The following NBEA variants were observed in gnomAD, a reference collection of about 807,000 sequenced individuals.
NBEA encodes the protein neurobeachin.
In NBEA, 44 loss-of-function variants were observed where a neutral mutation model predicts 343.4. The ratio of observed to expected loss-of-function variants is 0.13; its 90% confidence interval spans 0.10 to 0.16. NBEA has a LOEUF of 0.16. NBEA is among the 10% of genes least tolerant of loss of function. The pLI is 1.00. For synonymous variants in NBEA, 1,175 were observed against 1,238.7 expected (o/e 0.95, Z 1.08); for missense variants, 2,555 against 3,631.3 (o/e 0.70, Z 7.62).
chr13:35,308,549 TG>T (rs1242254065), intron 35 of NBEA, among the ~76,000 whole-genome samples: 17 of 117,858 alleles, frequency 1.4e-4, no homozygotes, highest in Admixed American at 7.6e-4. Context: ...TGTATATATA[TG>T]TATATATGTA....
chr13:35,537,871 C>T (rs886989317), intron 41 of NBEA, among the ~76,000 whole-genome samples: 35 of 152,214 alleles, frequency 2.3e-4, no homozygotes, highest in African/African-American at 8.2e-4. Context: ...AACCCCATCC[C>T]ATCTCTTTTG....
At chr13:35,022,841 TA>T (rs2061894251) in intron 1 of NBEA, among the ~76,000 whole-genome samples, 1 of 152,164 alleles carries the variant, frequency 6.6e-6, no homozygotes, top group Non-Finnish European at 1.5e-5. Context: ...GCTATACACA[TA>T]AATTACTCAG....
intron 30 of NBEA, among the ~76,000 whole-genome samples, chr13:35,195,578 G>T (rs940267939): frequency 1.3e-5 from 2 of 151,750 alleles, no homozygotes; most frequent in Non-Finnish European, 2.9e-5. Flanking sequence ...TGTGTTTTTA[G>T]TAGAGACGGG....
chr13:35,553,760 C>T (rs1047029866), intron 43 of NBEA, among the ~76,000 whole-genome samples: 3 of 152,078 alleles, frequency 2.0e-5, no homozygotes, highest in Non-Finnish European at 4.4e-5. Context: ...AGGAGTCCTG[C>T]GATATCACAG....
chr13:35,254,400 T>C (rs2032343130), intron 34 of NBEA, among the ~76,000 whole-genome samples: 2 of 150,950 alleles, frequency 1.3e-5, no homozygotes, highest in African/African-American at 2.4e-5. Flanking sequence ...CACAGATCAC[T>C]GCAGCCCTGA....
chr13:35,295,751 A>G (rs1307371938), intron 35 of NBEA, among the ~76,000 whole-genome samples: 7 of 152,198 alleles, frequency 4.6e-5, no homozygotes, highest in Admixed American at 3.3e-4. Flanking sequence ...ACAGATTGCA[A>G]CAGGAAGACG....
chr13:35,462,732 G>A (rs187228771), intron 40 of NBEA, among the ~76,000 whole-genome samples: 1 of 152,292 alleles, frequency 6.6e-6, no homozygotes, highest in East Asian at 1.9e-4. Context: ...AGTGATGAGA[G>A]CCTCAAGTAA....
chr13:35,200,904 A>G (rs2152745226), intron 31 of NBEA, among the ~76,000 whole-genome samples: 1 of 152,088 alleles, frequency 6.6e-6, no homozygotes, highest in South Asian at 2.1e-4. Flanking sequence ...TTTTAAAAAT[A>G]TTGAGTAGAG....
chr13:35,459,620 C>T (rs1490297727), intron 40 of NBEA, among the ~76,000 whole-genome samples: 4 of 152,138 alleles, frequency 2.6e-5, no homozygotes, highest in Non-Finnish European at 5.9e-5. Flanking sequence ...AAATAATCAG[C>T]TTGGCAGTTA....
In NBEA at chr13:35,195,972, A is replaced by G; in HGVS notation, c.5036A>G (p.Glu1679Gly). The G allele has an allele frequency of 6.2e-7, 1 of 1,613,654 alleles. No individual in the cohort carries two copies. Among genetic ancestry groups the G allele is most frequent in the Non-Finnish European group, 8.5e-7 (1 of 1,179,710 alleles). ...SIPHTDSGIG[E>G]EQVASILNGA... Reference sequence around the variant, plus strand: ...CCCCATACAGATTCAGGAATTGGAGAGGAGCAAGTGGCTAGCATCCTGAAT... The same window carrying G: ...CCCCATACAGATTCAGGAATTGGAGGGGAGCAAGTGGCTAGCATCCTGAAT... Residue 1679 changes from glutamate (E) to glycine (G), a missense_variant, in exon 31 of 59, where the codon GAG becomes GGG. Coordinates refer to ENST00000379939, the MANE Select transcript of NBEA (RefSeq NM_001385012.1).
intron 47 of NBEA, among the ~76,000 whole-genome samples, chr13:35,602,814 A>G (rs2082113629): frequency 6.6e-6 from 1 of 152,142 alleles, no homozygotes; most frequent in Non-Finnish European, 1.5e-5. Flanking sequence ...CTACTGGAGT[A>G]TTCTTCCTCC....
At chr13:35,045,507 TTGA>T in intron 4 of NBEA, 106 bp downstream of exon 4, 1 of 863,904 alleles carries the variant, frequency 1.2e-6, no homozygotes. Flanking sequence ...AAAGCACAAC[TTGA>T]TGAGTTTGGA....
chr13:35,454,822 T>C (rs2046481366), intron 40 of NBEA, among the ~76,000 whole-genome samples: 1 of 151,846 alleles, frequency 6.6e-6, no homozygotes, highest in South Asian at 2.1e-4. Flanking sequence ...ATCGCACCAC[T>C]GCACTCCAGC....
At chr13:34,962,826 C>T (rs779710689) in intron 1 of NBEA, among the ~76,000 whole-genome samples, 5 of 152,014 alleles carry the variant, frequency 3.3e-5, no homozygotes, top group Admixed American at 6.6e-5. Flanking sequence ...TGAAGATTTA[C>T]TTGACTTATC....
intron 46 of NBEA, among the ~76,000 whole-genome samples, chr13:35,589,821 T>A (rs576744383): frequency 6.6e-6 from 1 of 152,030 alleles, no homozygotes; most frequent in East Asian, 1.9e-4. Flanking sequence ...GCAAGGTGAG[T>A]TTTCCATCAC....
chr13:35,544,372 A>AT (rs201364963), intron 41 of NBEA, among the ~76,000 whole-genome samples: 3,185 of 152,212 alleles, frequency 0.021, 51 homozygotes, highest in South Asian at 0.049. Context: ...CTAAACAAGT[A>AT]TTTTTTTAAG....
chr13:35,277,646 A>G (rs1248079771), intron 34 of NBEA, among the ~76,000 whole-genome samples: 98 of 132,956 alleles, frequency 7.4e-4, no homozygotes, highest in African/African-American at 1.1e-3. Context: ...AAAAAAAAAA[A>G]AAGTGGGGGA....
intron 38 of NBEA, among the ~76,000 whole-genome samples, chr13:35,357,546 G>A (rs2040561279): frequency 6.6e-6 from 1 of 152,034 alleles, no homozygotes; most frequent in African/African-American, 2.4e-5. Flanking sequence ...GAGAACACGT[G>A]GGATTTGGTT....
intron 39 of NBEA, among the ~76,000 whole-genome samples, chr13:35,434,981 A>G (rs1411753050): frequency 1.3e-5 from 2 of 152,206 alleles, no homozygotes; most frequent in Non-Finnish European, 2.9e-5. Context: ...ACTGGAGAAG[A>G]CCAAAAAAGA....
Sources: gnomAD v4.1 joint callset for allele counts (sites outside exome capture counted in the v4.1 genomes callset) on GRCh38, gnomAD v4.1.1 for gene constraint, MANE v1.5 for transcripts, NCBI Gene and HGNC (gene_info 2026-07-23, HGNC 2026-07-21) for gene names.